Variants in SMAD5 observed in about 807,000 individuals in gnomAD.
The protein encoded by SMAD5 is MAD, mothers against decapentaplegic homolog 5.
SMAD5 carries 9 observed loss-of-function variants against 43.1 expected under a neutral mutation model. The ratio of observed to expected loss-of-function variants is 0.21; its 90% CI spans 0.13 to 0.36. SMAD5 has a LOEUF of 0.36. Among genes scored for constraint, SMAD5 ranks in the 10% least tolerant of loss-of-function variants. The probability of loss-of-function intolerance (pLI) is 1.00; values close to 1 mark genes in which losing one functional copy is unlikely to be tolerated. For missense variants in SMAD5, 348 were observed against 574.0 expected (o/e 0.61, Z 4.02); for synonymous variants, 190 against 192.4 (o/e 0.99, Z 0.10).
chr5:136,139,666 C>A (rs991929659), intron 1 of SMAD5, among the ~76,000 whole-genome samples: 2 of 152,116 alleles, frequency 1.3e-5, no homozygotes. Flanking sequence ...GTCCACCCCT[C>A]CTCCTGCTTA....
At chr5:136,175,688 G>T (rs1754391647) in intron 7 of SMAD5, among the ~76,000 whole-genome samples, 1 of 152,144 alleles carries the variant, frequency 6.6e-6, no homozygotes, top group Non-Finnish European at 1.5e-5. Flanking sequence ...CCTGTCACAC[G>T]CTGTGCATGG....
chr5:136,148,044 A>T (rs1371562802), intron 2 of SMAD5, 138 bp downstream of exon 2: 1 of 151,802 alleles, frequency 6.6e-6, no homozygotes, highest in African/African-American at 2.4e-5. Flanking sequence ...TTTATACTAA[A>T]TGGTGAGTAA....
At chr5:136,162,953 G>A (rs1317286061) in intron 4 of SMAD5, among the ~76,000 whole-genome samples, 1 of 152,194 alleles carries the variant, frequency 6.6e-6, no homozygotes, top group African/African-American at 2.4e-5. Flanking sequence ...TGTAATAGCT[G>A]TAGTTTCTCT....
chr5:136,134,711 A>C (rs1752816427), intron 1 of SMAD5: 1 of 152,240 alleles, frequency 6.6e-6, no homozygotes, highest in South Asian at 2.1e-4. Flanking sequence ...TACTATGTTT[A>C]GATTTATAAA....
At chr5:136,171,421 G>A (rs897526704) in intron 5 of SMAD5, among the ~76,000 whole-genome samples, 3 of 152,200 alleles carry the variant, frequency 2.0e-5, no homozygotes, top group African/African-American at 7.2e-5. Context: ...CAAAATTCAT[G>A]TTTTGAACCA....
chr5:136,180,399 C>T lies in SMAD5; in HGVS notation c.*2919C>T, dbSNP rs900899446. On this transcript the variant is annotated 3_prime_UTR_variant, in exon 8 of 8. Coordinates refer to ENST00000545279, the MANE Select transcript of SMAD5 (RefSeq NM_005903.7). ...ACAGAATCTGGGAATAATAAAATTG[C>T]AACCAGTTTGGTAATGCAAACAGCA... 2.0e-5 allele frequency: 3 copies of T among 152,098 alleles called. No homozygotes were observed. Among genetic ancestry groups the T allele is most frequent in the Admixed American group, 1.3e-4 (2 of 15,264 alleles). 9.4% of individuals were successfully genotyped at this position (152,098 alleles called of 1,614,324 possible). A position where few individuals can be genotyped will look rare whatever the true frequency, so the allele number is the denominator to read the frequency against.
chr5:136,142,741 G>C (rs560986102), intron 1 of SMAD5, among the ~76,000 whole-genome samples: 55 of 152,204 alleles, frequency 3.6e-4, no homozygotes, highest in Non-Finnish European at 6.3e-4. Flanking sequence ...TTGGCTCTCT[G>C]TGCTTGGTGT....
rs1405440503 is a variant in SMAD5 at position 136,153,938 on chromosome 5, G to C, written c.178G>C (p.Gly60Arg). ...ACTGGAGAAAGCCTTGAGCAGTCCA[G>C]GACAGCCGAGTAAATGTGTCACTAT... ...EELEKALSSP[G>R]QPSKCVTIPR... is the part of the protein sequence containing the mutation. Residue 60 changes from glycine (G) to arginine (R), a missense_variant, in exon 3 of 8, where the codon GGA becomes CGA. Gly to Arg is a moderately radical substitution (Grantham distance 125). Transcript: ENST00000545279. 6.2e-7 allele frequency: 1 copy of C among 1,612,986 alleles called. No individual in the cohort carries two copies. Among genetic ancestry groups the C allele is most frequent in the Admixed American group, 1.7e-5 (1 of 59,772 alleles).
Position 136,154,150 on chromosome 5 carries a change from A to T in SMAD5, c.390A>T (p.Arg130Ser). ...GTATCAACCCATACCACTATAAGAGAGTGGAGAGTCCAGGTAGGTCTTATT... is the reference window on the plus strand; with the variant it reads ...GTATCAACCCATACCACTATAAGAGTGTGGAGAGTCCAGGTAGGTCTTATT... Reference protein sequence around the residue: ...EVCINPYHYKRVESPVLPPVL... With the variant: ...EVCINPYHYKSVESPVLPPVL... The change falls in exon 3 of 8, where the codon AGA becomes AGT. Residue 130 changes from arginine (R) to serine (S), a missense_variant. Arg to Ser is a moderately radical substitution (Grantham distance 110). This residue lies in a region of SMAD5 where 185 missense variants were observed against 207.0 expected (regional missense o/e 0.89). Coordinates refer to ENST00000545279, the MANE Select transcript of SMAD5 (RefSeq NM_005903.7). The T allele has an allele frequency of 6.4e-7, 1 of 1,556,836 alleles. No individual in the cohort carries two copies. Among genetic ancestry groups the T allele is most frequent in the Non-Finnish European group, 8.7e-7 (1 of 1,155,684 alleles).
In SMAD5 at chr5:136,161,085, A is replaced by T. The variant is rs748675359; in HGVS notation, c.633A>T (p.Pro211=). Reference sequence around the variant, plus strand: ...CCAACTCCCCAGCAAGTTCTGGACCAGGAAGTCCATTTCAGCTCCCAGGTA... The same window carrying T: ...CCAACTCCCCAGCAAGTTCTGGACCTGGAAGTCCATTTCAGCTCCCAGGTA... ...TYPNSPASSG[P]GSPFQLPADT... The change falls in exon 4 of 8, where the codon CCA becomes CCT. Residue 211 remains proline (P), a synonymous_variant. Coordinates refer to ENST00000545279, the MANE Select transcript of SMAD5 (RefSeq NM_005903.7). The T allele has an allele frequency of 1.2e-6, 2 of 1,613,738 alleles. No homozygotes were observed. The highest frequency in any genetic ancestry group is 1.7e-6 in the Non-Finnish European group (2 of 1,179,822).
At chr5:136,159,110 A>G (rs1033812920) in intron 3 of SMAD5, among the ~76,000 whole-genome samples, 2 of 152,218 alleles carry the variant, frequency 1.3e-5, no homozygotes, top group Non-Finnish European at 1.5e-5. Flanking sequence ...GTAGACTCAT[A>G]GTACACTTGA....
rs1561651166 is a variant in SMAD5, at chr5:136,161,114, C to CT, written c.655+10dup. ...AGTCCATTTCAGCTCCCAGGTAAGA[C>CT]TTTATTTTATTGATACCAAAAAAAA... On this transcript the variant is annotated splice_region_variant and intron_variant, in intron 4 of 7. Coordinates refer to ENST00000545279, the MANE Select transcript of SMAD5 (RefSeq NM_005903.7). 1 of 1,602,278 alleles carries CT rather than the reference C, an allele frequency of 6.2e-7. No individual in the cohort carries two copies. The highest frequency in any genetic ancestry group is 2.2e-5 in the East Asian group (1 of 44,582).
rs1352626689 is a variant in SMAD5, at chr5:136,179,748, A to G, written c.*2268A>G. 1 of 152,162 alleles carries G rather than the reference A, an allele frequency of 6.6e-6. No individual in the cohort carries two copies. The highest frequency in any genetic ancestry group is 2.4e-5 in the African/African-American group (1 of 41,432). 9.4% of individuals were successfully genotyped at this position (152,162 alleles called of 1,614,324 possible). On this transcript the variant is annotated 3_prime_UTR_variant, in exon 8 of 8. Coordinates refer to ENST00000545279, the MANE Select transcript of SMAD5 (RefSeq NM_005903.7). ...TTTGCTTACTTGATAGAACTTTGGC[A>G]TTTTCATCATTCTTTTACTTAACCA... is the stretch of plus-strand genomic sequence containing the variant.
At chr5:136,138,724 A>G (rs956886096) in intron 1 of SMAD5, among the ~76,000 whole-genome samples, 1 of 152,064 alleles carries the variant, frequency 6.6e-6, no homozygotes, top group Non-Finnish European at 1.5e-5. Context: ...TATGTATGCA[A>G]GTGTCTTTCT....
At chr5:136,136,914 C>T (rs1441100962) in intron 1 of SMAD5, among the ~76,000 whole-genome samples, 2 of 152,156 alleles carry the variant, frequency 1.3e-5, no homozygotes, top group East Asian at 3.9e-4. Context: ...CCAGGCTGGT[C>T]TCGAACTTCT....
intron 5 of SMAD5, among the ~76,000 whole-genome samples, chr5:136,164,378 A>G (rs926730758): frequency 3.3e-5 from 5 of 152,064 alleles, no homozygotes; most frequent in African/African-American, 1.2e-4. Flanking sequence ...TGAGGGTTCT[A>G]TTTTCTCTGC....
chr5:136,156,517 T>G (rs1439254221), intron 3 of SMAD5, among the ~76,000 whole-genome samples: 1 of 152,192 alleles, frequency 6.6e-6, no homozygotes, highest in Admixed American at 6.5e-5. Flanking sequence ...AAGTTCAACT[T>G]AAGAGCTTTA....
rs1754342686 is a variant in SMAD5 at position 136,174,608 on chromosome 5, T to C, written c.1230T>C (p.Cys410=). ...CAGTATATGAGCTCACCAAAATGTG[T>C]ACCATTCGGATGAGTTTTGTCAAGG... The part of the protein sequence containing the change: ...FEAVYELTKM[C]TIRMSFVKGW... The change falls in exon 7 of 8, where the codon TGT becomes TGC. Residue 410 remains cysteine (C), a synonymous_variant. Coordinates refer to ENST00000545279, the MANE Select transcript of SMAD5 (RefSeq NM_005903.7). 1 of 1,612,190 alleles carries C rather than the reference T, an allele frequency of 6.2e-7. No homozygotes were observed. The highest frequency in any genetic ancestry group is 1.3e-5 in the African/African-American group (1 of 74,920).
intron 3 of SMAD5, among the ~76,000 whole-genome samples, 168 bp downstream of exon 3, chr5:136,154,331 A>G (rs771886764): frequency 6.6e-6 from 1 of 152,154 alleles, no homozygotes; most frequent in African/African-American, 2.4e-5. Context: ...AGCTTTTTAT[A>G]TGTAGGTGAT....
Sources: gnomAD v4.1 joint callset for allele counts (sites outside exome capture counted in the v4.1 genomes callset) on GRCh38, gnomAD v4.1.1 for gene constraint, gnomAD v4.1.1 regional missense constraint, MANE v1.5 for transcripts, NCBI Gene and HGNC (gene_info 2026-07-23, HGNC 2026-07-21) for gene names.